Variants in ATRN observed in about 807,000 individuals in gnomAD.
The protein encoded by ATRN is attractin-2.
In ATRN, 54 loss-of-function variants were observed where a neutral mutation model predicts 178.7. The observed-to-expected ratio is 0.30, with a 90% CI of 0.24 to 0.38. The LOEUF (loss-of-function observed/expected upper bound fraction) is 0.38, where lower values mean the gene tolerates loss of function less well. Ranked by LOEUF, ATRN falls within the 10% of genes least tolerant of loss-of-function variation. ATRN has a pLI of 1.00. For synonymous variants in ATRN, 636 were observed against 663.0 expected (o/e 0.96, Z 0.63); for missense variants, 1,443 against 1,815.1 (o/e 0.79, Z 3.73).
intron 11 of ATRN, 56 bp downstream of exon 11, chr20:3,565,488 C>T: frequency 3.4e-6 from 5 of 1,486,740 alleles, no homozygotes; most frequent in East Asian, 2.3e-5. Flanking sequence ...AAATAAAGGG[C>T]CGGGCACGGT....
chr20:3,541,323 C>T (rs1192872069), intron 3 of ATRN, among the ~76,000 whole-genome samples: 7 of 152,096 alleles, frequency 4.6e-5, no homozygotes, highest in African/African-American at 1.2e-4. Flanking sequence ...GTGATCCGCC[C>T]GCCTCGGCCT....
chr20:3,489,252 A>G (rs2084744929), intron 1 of ATRN, among the ~76,000 whole-genome samples: 1 of 152,080 alleles, frequency 6.6e-6, no homozygotes, highest in Non-Finnish European at 1.5e-5. Context: ...TGAGCCACAG[A>G]TATTTGATGT....
intron 1 of ATRN, among the ~76,000 whole-genome samples, chr20:3,510,700 C>T (rs747912771): frequency 2.4e-4 from 37 of 152,036 alleles, no homozygotes; most frequent in Non-Finnish European, 4.7e-4. Flanking sequence ...ATACGTTGCC[C>T]ATCTGTCTGA....
At chr20:3,646,537 G>C (rs2087108930) in intron 28 of ATRN, among the ~76,000 whole-genome samples, 186 bp from the exon 29 acceptor site, 2 of 152,220 alleles carry the variant, frequency 1.3e-5, no homozygotes, top group South Asian at 4.1e-4. Flanking sequence ...GGAAGGCGGA[G>C]GGAGGGTCAG....
intron 22 of ATRN, among the ~76,000 whole-genome samples, chr20:3,599,740 A>G (rs1386962429): frequency 6.6e-6 from 1 of 152,196 alleles, no homozygotes; most frequent in African/African-American, 2.4e-5. Flanking sequence ...GGGTCCTGGA[A>G]CCGATGACCC....
At chr20:3,566,768 G>A (rs1417121128) in intron 11 of ATRN, among the ~76,000 whole-genome samples, 4 of 152,060 alleles carry the variant, frequency 2.6e-5, no homozygotes, top group Admixed American at 2.0e-4. Flanking sequence ...TTAGCCAGGT[G>A]TGGTGGTAGG....
rs116503735 is a variant in ATRN, at chr20:3,574,872, G to A, written c.2093-955G>A. 4.6e-3 allele frequency among the ~76,000 whole-genome samples: 696 copies of A among 152,146 alleles called. 3 individuals are homozygous for A. Among genetic ancestry groups the A allele is most frequent in the African/African-American group, 0.016 (662 of 41,524 alleles). Reference sequence around the variant, plus strand: ...GACTGCTGGGGTCTTTGTGAGAGCGGCACCTGCCTTTTCCTGTTTGTGAAT... The same window carrying A: ...GACTGCTGGGGTCTTTGTGAGAGCGACACCTGCCTTTTCCTGTTTGTGAAT... On this transcript the variant is annotated intron_variant, in intron 12 of 28. Coordinates refer to ENST00000262919, the MANE Select transcript of ATRN (RefSeq NM_139321.3).
At chr20:3,486,265 C>G (rs1158605345) in intron 1 of ATRN, among the ~76,000 whole-genome samples, 1 of 151,402 alleles carries the variant, frequency 6.6e-6, no homozygotes, top group Non-Finnish European at 1.5e-5. Context: ...CATAGCCAGT[C>G]TTTTTCACTT....
chr20:3,513,809 G>A lies in ATRN; in HGVS notation c.411-21444G>A, dbSNP rs368622203. Among the ~76,000 whole-genome samples the A allele has an allele frequency of 7.9e-5, 12 of 152,114 alleles. No individual in the cohort carries two copies. In the East Asian group the frequency reaches 9.7e-4, roughly 12 times the overall value. Reference sequence around the variant, plus strand: ...AGTTCTCCTTGAAGAGGTCCTTCACGTCCCTTGTAAGTTGGATTCCTAGGT... The same window carrying A: ...AGTTCTCCTTGAAGAGGTCCTTCACATCCCTTGTAAGTTGGATTCCTAGGT... On this transcript the variant is annotated intron_variant, in intron 1 of 28. Transcript: ENST00000262919.
At chr20:3,577,654 T>C (rs1190786706) in intron 14 of ATRN, among the ~76,000 whole-genome samples, 1 of 152,190 alleles carries the variant, frequency 6.6e-6, no homozygotes, top group East Asian at 1.9e-4. Flanking sequence ...CTTGGAAGTT[T>C]TTGATTCAGC....
intron 1 of ATRN, among the ~76,000 whole-genome samples, chr20:3,517,060 A>C (rs753746690): frequency 1.3e-5 from 2 of 152,216 alleles, no homozygotes; most frequent in Non-Finnish European, 2.9e-5. Flanking sequence ...AGGAATCGCC[A>C]CACTGTCTTC....
chr20:3,497,314 C>G (rs1458475430), intron 1 of ATRN, among the ~76,000 whole-genome samples: 1 of 151,698 alleles, frequency 6.6e-6, no homozygotes, highest in Non-Finnish European at 1.5e-5. Flanking sequence ...TGTTCCTTTC[C>G]ATGTTTAGCA....
chr20:3,521,375 A>G (rs965533844), intron 1 of ATRN, among the ~76,000 whole-genome samples: 1 of 152,184 alleles, frequency 6.6e-6, no homozygotes, highest in African/African-American at 2.4e-5. Flanking sequence ...TAGATTTCAC[A>G]CAAACAAGGA....
intron 1 of ATRN, among the ~76,000 whole-genome samples, chr20:3,484,148 T>C (rs8123466): frequency 0.042 from 6,352 of 151,812 alleles, 162 homozygotes; most frequent in Non-Finnish European, 0.057. Context: ...ACTTGGGAAG[T>C]TGAGGTGGGA....
chr20:3,586,683 A>AG (rs113094329), intron 18 of ATRN, among the ~76,000 whole-genome samples: 2 of 151,280 alleles, frequency 1.3e-5, no homozygotes, highest in African/African-American at 4.9e-5. Flanking sequence ...CCCTAAAAAA[A>AG]CATGCTATGT....
chr20:3,583,971 C>T lies in ATRN; in HGVS notation c.2838C>T (p.Ser946=), dbSNP rs760142534. 1.2e-6 allele frequency: 2 copies of T among 1,614,186 alleles called. No homozygotes were observed. Among genetic ancestry groups the T allele is most frequent in the East Asian group, 2.2e-5 (1 of 44,878 alleles). The stretch of plus-strand genomic sequence containing the variant: ...CATGTGGAGATTGCACCAGCGGCAG[C>T]TCTGAGTGCATGTGGTGCAGCAACA... ...RTACGDCTSG[S]SECMWCSNMK... The change falls in exon 17 of 29, where the codon AGC becomes AGT. Residue 946 remains serine, a synonymous_variant. Transcript: ENST00000262919.
chr20:3,640,593 G>T (rs2087060308), intron 27 of ATRN, among the ~76,000 whole-genome samples: 1 of 152,190 alleles, frequency 6.6e-6, no homozygotes, highest in Non-Finnish European at 1.5e-5. Flanking sequence ...AAGACAAAGA[G>T]AACATCTTAA....
At chr20:3,640,358 G>C (rs1355730667) in intron 27 of ATRN, among the ~76,000 whole-genome samples, 1 of 152,148 alleles carries the variant, frequency 6.6e-6, no homozygotes, top group African/African-American at 2.4e-5. Context: ...TAGATACTAA[G>C]AATATGGAGG....
intron 14 of ATRN, 57 bp downstream of exon 14, chr20:3,577,054 C>T (rs1190376008): frequency 9.4e-6 from 15 of 1,592,726 alleles, no homozygotes; most frequent in Non-Finnish European, 9.4e-6. Flanking sequence ...GCCTGCTTCC[C>T]CCAACACTGT....
Sources: allele counts gnomAD v4.1 joint callset (sites outside exome capture counted in the v4.1 genomes callset), GRCh38; gene constraint gnomAD v4.1.1; transcripts MANE v1.5; gene names NCBI Gene and HGNC (gene_info 2026-07-23, HGNC 2026-07-21).